CACNA1D: variants seen among roughly 807,000 people sequenced by gnomAD.
CACNA1D encodes the protein voltage-dependent L-type calcium channel subunit alpha-1D.
CACNA1D carries 55 observed loss-of-function variants against 257.1 expected under a neutral mutation model. The ratio of observed to expected loss-of-function variants is 0.21; its 90% CI spans 0.17 to 0.27. The LOEUF (loss-of-function observed/expected upper bound fraction) is 0.27, where lower values mean the gene tolerates loss of function less well. CACNA1D is among the 10% of genes least tolerant of loss of function. The pLI is 1.00. For missense variants in CACNA1D, 1,876 were observed against 2,784.0 expected (o/e 0.67, Z 7.34); for synonymous variants, 980 against 1,014.9 (o/e 0.97, Z 0.65).
chr3:53,795,184 C>T (rs2095502153), intron 40 of CACNA1D, among the ~76,000 whole-genome samples: 1 of 152,210 alleles, frequency 6.6e-6, no homozygotes, highest in Admixed American at 6.5e-5. Context: ...CCCCTAAGTG[C>T]ACAACTGGGA....
intron 39 of CACNA1D, chr3:53,782,262 GTGTATATATATATATATATA>G (rs2095429692): frequency 2.4e-5 from 1 of 41,994 alleles, no homozygotes; most frequent in African/African-American, 7.0e-5. Flanking sequence ...GTGTGTGTGT[GTGTATATATATATATATATA>G]TATATATATA....
rs184407097 is a variant in CACNA1D at position 53,722,174 on chromosome 3, T to G, written c.1506-140T>G. The G allele has an allele frequency of 5.2e-6, 4 of 769,762 alleles. No homozygotes were observed. The East Asian group carries it at 7.9e-5, about 15-fold the overall frequency. 47.7% of individuals were successfully genotyped at this position (769,762 alleles called of 1,614,324 possible). A position where few individuals can be genotyped will look rare whatever the true frequency, so the allele number is the denominator to read the frequency against. On this transcript the variant is annotated intron_variant, in intron 11 of 47. Coordinates refer to ENST00000350061, the MANE Select transcript of CACNA1D (RefSeq NM_001128840.3). ...ATGAAGTCTGTTAATTTCTGTGCCA[T>G]TTGTGCTCATCTTTCTTTCCTGCAC...
At chr3:53,629,372 G>C (rs1240760563) in intron 3 of CACNA1D, among the ~76,000 whole-genome samples, 1 of 151,084 alleles carries the variant, frequency 6.6e-6, no homozygotes, top group Admixed American at 6.5e-5. Flanking sequence ...TTAAGAAAGT[G>C]ATCAGTTTAT....
At chr3:53,604,917 A>G (rs2093489201) in intron 3 of CACNA1D, among the ~76,000 whole-genome samples, 1 of 152,138 alleles carries the variant, frequency 6.6e-6, no homozygotes, top group African/African-American at 2.4e-5. Flanking sequence ...TGGTGACAGT[A>G]TCCGTAGTGG....
intron 15 of CACNA1D, among the ~76,000 whole-genome samples, chr3:53,729,557 A>G (rs917084065): frequency 1.3e-5 from 2 of 152,226 alleles, no homozygotes; most frequent in Admixed American, 6.5e-5. Flanking sequence ...CTTCACTGCT[A>G]GTGGGTAAGA....
At chr3:53,547,767 A>G (rs554666468) in intron 3 of CACNA1D, among the ~76,000 whole-genome samples, 1 of 152,172 alleles carries the variant, frequency 6.6e-6, no homozygotes, top group East Asian at 1.9e-4. Flanking sequence ...GGCAATTTTC[A>G]CTGAGACTGC....
At chr3:53,652,656 C>T (rs1261097420) in intron 4 of CACNA1D, among the ~76,000 whole-genome samples, 2 of 152,156 alleles carry the variant, frequency 1.3e-5, no homozygotes, top group Non-Finnish European at 2.9e-5. Context: ...CAGTAGAGAC[C>T]CCACAGGGCC....
chr3:53,708,352 T>C (rs1459360364), intron 9 of CACNA1D, among the ~76,000 whole-genome samples: 1 of 152,188 alleles, frequency 6.6e-6, no homozygotes, highest in Non-Finnish European at 1.5e-5. Flanking sequence ...ATACGGTAAA[T>C]ATGCGTCCAG....
intron 40 of CACNA1D, among the ~76,000 whole-genome samples, chr3:53,795,008 C>A (rs957233067): frequency 1.3e-5 from 2 of 152,330 alleles, no homozygotes; most frequent in East Asian, 3.9e-4. Context: ...CTAACTGGAG[C>A]CCTTCTCCCC....
At chr3:53,716,057 T>C (rs4453827) in intron 9 of CACNA1D, among the ~76,000 whole-genome samples, 33,360 of 152,244 alleles carry the variant, frequency 0.22, 4,014 homozygotes, top group African/African-American at 0.27. Flanking sequence ...GCATGAGACA[T>C]GACTCCAGAG....
chr3:53,768,765 C>T (rs984408599), intron 30 of CACNA1D, among the ~76,000 whole-genome samples: 1 of 152,098 alleles, frequency 6.6e-6, no homozygotes, highest in African/African-American at 2.4e-5. Context: ...TAGAATTTCC[C>T]TTTGGTCTCA....
At chr3:53,803,234 C>T (rs1354596380) in intron 43 of CACNA1D, among the ~76,000 whole-genome samples, 189 bp from the exon 44 acceptor site, 6 of 152,180 alleles carry the variant, frequency 3.9e-5, no homozygotes, top group Non-Finnish European at 1.5e-5. Context: ...CGCAGGCACA[C>T]CACACACACA....
chr3:53,674,778 G>A (rs886232910), intron 8 of CACNA1D, among the ~76,000 whole-genome samples: 1 of 152,194 alleles, frequency 6.6e-6, no homozygotes, highest in African/African-American at 2.4e-5. Context: ...GGGGCAGGCA[G>A]GATACCAGGA....
intron 40 of CACNA1D, among the ~76,000 whole-genome samples, chr3:53,788,508 A>G (rs568930369): frequency 7.2e-4 from 109 of 152,342 alleles, no homozygotes; most frequent in South Asian, 5.0e-3. Context: ...CGAAAGACAA[A>G]GCAAACTGCA....
intron 3 of CACNA1D, among the ~76,000 whole-genome samples, chr3:53,604,684 T>G (rs17309406): frequency 0.21 from 32,553 of 152,120 alleles, 3,727 homozygotes; most frequent in Middle Eastern, 0.33. Context: ...GAAAGTGCCT[T>G]AACTGTAAAG....
chr3:53,647,940 G>T (rs770294400), intron 3 of CACNA1D, among the ~76,000 whole-genome samples: 1 of 152,158 alleles, frequency 6.6e-6, no homozygotes, highest in Non-Finnish European at 1.5e-5. Flanking sequence ...TTTGGAAAGA[G>T]AAACCAAATT....
intron 46 of CACNA1D, chr3:53,809,090 AG>A: frequency 2.9e-6 from 1 of 345,678 alleles, no homozygotes; most frequent in Non-Finnish European, 5.4e-6. Context: ...ATCTGAGCTC[AG>A]GGAGTGGGGG....
chr3:53,748,830 G>C (rs2095197118), intron 26 of CACNA1D, among the ~76,000 whole-genome samples: 1 of 152,144 alleles, frequency 6.6e-6, no homozygotes, highest in African/African-American at 2.4e-5. Flanking sequence ...TTCCTGTTAA[G>C]AGTTCCGCTA....
chr3:53,620,596 C>T lies in CACNA1D; in HGVS notation c.484-30183C>T, dbSNP rs188417130. ...GTGAGCCATGATTCCCCACCTGGTC[C>T]CTCTGTTAAAGCAGAACTCACAGAA... On this transcript the variant is annotated intron_variant, in intron 3 of 47. Transcript: ENST00000350061. 6.2e-3 allele frequency among the ~76,000 whole-genome samples: 937 copies of T among 152,290 alleles called. 6 individuals carry two copies. The highest frequency in any genetic ancestry group is 0.011 in the Non-Finnish European group (755 of 68,034).
Sources: gnomAD v4.1 joint callset for allele counts (sites outside exome capture counted in the v4.1 genomes callset) on GRCh38, gnomAD v4.1.1 for gene constraint, MANE v1.5 for transcripts, NCBI Gene and HGNC (gene_info 2026-07-23, HGNC 2026-07-21) for gene names.